SLC35F2: variants seen among roughly 807,000 people sequenced by gnomAD.
SLC35F2 encodes solute carrier family 35 member F2.
SLC35F2 carries 25 observed loss-of-function variants against 38.1 expected under a neutral mutation model. The ratio of observed to expected loss-of-function variants is 0.66; its 90% CI spans 0.48 to 0.92. The LOEUF (loss-of-function observed/expected upper bound fraction) is 0.92, where lower values mean the gene tolerates loss of function less well. SLC35F2 is among the 40% of genes least tolerant of loss of function. The probability of loss-of-function intolerance (pLI) is 0.00; values close to 1 mark genes in which losing one functional copy is unlikely to be tolerated. For synonymous variants in SLC35F2, 173 were observed against 181.7 expected, an observed-to-expected ratio of 0.95 and a Z score of 0.38; for missense variants, 409 against 452.9, an observed-to-expected ratio of 0.90 and a Z score of 0.88.
intron 1 of SLC35F2, among the ~76,000 whole-genome samples, chr11:107,825,891 T>TA (rs1263493754): frequency 6.6e-6 from 1 of 152,156 alleles, no homozygotes; most frequent in Non-Finnish European, 1.5e-5. Context: ...GGTAAAAGCG[T>TA]AAAATAATAA....
intron 7 of SLC35F2, among the ~76,000 whole-genome samples, chr11:107,796,666 T>A (rs995530588): frequency 2.6e-5 from 4 of 151,862 alleles, no homozygotes; most frequent in African/African-American, 9.7e-5. Flanking sequence ...GAGGTTAGGT[T>A]TTTGTAGTGG....
intron 1 of SLC35F2, among the ~76,000 whole-genome samples, chr11:107,818,522 C>T (rs2134800036): frequency 6.6e-6 from 1 of 152,312 alleles, no homozygotes; most frequent in South Asian, 2.1e-4. Flanking sequence ...TGCTTTTCTA[C>T]ATATTTTAAT....
intron 1 of SLC35F2, among the ~76,000 whole-genome samples, chr11:107,838,860 C>G (rs1859971272): frequency 6.6e-6 from 1 of 151,798 alleles, no homozygotes; most frequent in African/African-American, 2.4e-5. Context: ...AACTCCTGAC[C>G]TCAGGTGATC....
chr11:107,844,959 G>C (rs1351566490), intron 1 of SLC35F2, among the ~76,000 whole-genome samples: 2 of 140,792 alleles, frequency 1.4e-5, no homozygotes, highest in East Asian at 4.2e-4. Flanking sequence ...CTGGGCAACA[G>C]AGCGAGACTC....
intron 1 of SLC35F2, among the ~76,000 whole-genome samples, chr11:107,825,956 T>G: frequency 6.6e-6 from 1 of 152,028 alleles, no homozygotes; most frequent in Admixed American, 6.6e-5. Context: ...TTCTAGCAAT[T>G]TTGTCTCAAG....
chr11:107,825,854 AACT>A (rs1859746665), intron 1 of SLC35F2, among the ~76,000 whole-genome samples: 1 of 152,162 alleles, frequency 6.6e-6, no homozygotes, highest in Non-Finnish European at 1.5e-5. Flanking sequence ...ACACTTCAAA[AACT>A]TAACAGTACT....
chr11:107,798,749 G>A lies in SLC35F2; in HGVS notation c.939+4252C>T, dbSNP rs1591184001. On this transcript the variant is annotated intron_variant, in intron 7 of 7. Transcript: ENST00000525815. ...TATTTTAGACACAGTTTTTAAAACTGGTAGTGTATCAAGCTTACAATCTGC... is the reference window on the plus strand; with the variant it reads ...TATTTTAGACACAGTTTTTAAAACTAGTAGTGTATCAAGCTTACAATCTGC... Among the ~76,000 whole-genome samples the A allele has an allele frequency of 2.0e-5, 3 of 152,090 alleles. No individual in the cohort carries two copies. In the South Asian group the frequency reaches 6.2e-4, roughly 32 times the overall value.
At chr11:107,857,752 TA>T (rs1860316161) in intron 1 of SLC35F2, among the ~76,000 whole-genome samples, 1 of 152,208 alleles carries the variant, frequency 6.6e-6, no homozygotes, top group Admixed American at 6.5e-5. Context: ...CTGTTTAGAC[TA>T]CGGCTTGAAC....
At chr11:107,803,992 A>ATTT (rs71047624) in intron 6 of SLC35F2, among the ~76,000 whole-genome samples, 4,398 of 135,750 alleles carry the variant, frequency 0.032, 94 homozygotes, top group African/African-American at 0.061. Flanking sequence ...TGCCCGGATA[A>ATTT]TTTTTTTTTT....
intron 2 of SLC35F2, among the ~76,000 whole-genome samples, chr11:107,813,823 C>A (rs1859520586): frequency 6.6e-6 from 1 of 152,098 alleles, no homozygotes; most frequent in Non-Finnish European, 1.5e-5. Context: ...TGCCATCATG[C>A]CCAGCTAATT....
chr11:107,818,856 G>C (rs887256096), intron 1 of SLC35F2, among the ~76,000 whole-genome samples: 1 of 152,164 alleles, frequency 6.6e-6, no homozygotes, highest in African/African-American at 2.4e-5. Flanking sequence ...ATGGATTACA[G>C]ATGGTGAGGC....
At chr11:107,803,258 A>G (rs781257121) in intron 6 of SLC35F2, 103 bp from the exon 7 acceptor site, 3 of 1,369,636 alleles carry the variant, frequency 2.2e-6, no homozygotes, top group Non-Finnish European at 2.9e-6. Flanking sequence ...CCTTTAACAT[A>G]TTATGTACAA....
At chr11:107,827,231 C>T (rs1376729911) in intron 1 of SLC35F2, among the ~76,000 whole-genome samples, 2 of 152,070 alleles carry the variant, frequency 1.3e-5, no homozygotes, top group Non-Finnish European at 2.9e-5. Flanking sequence ...CTATCTCTTT[C>T]CCCTAAAAAG....
intron 1 of SLC35F2, among the ~76,000 whole-genome samples, chr11:107,857,499 C>G (rs1389503344): frequency 1.3e-5 from 2 of 152,184 alleles, no homozygotes; most frequent in Admixed American, 1.3e-4. Context: ...GAACTTTTAA[C>G]AAATGTATCA....
intron 1 of SLC35F2, among the ~76,000 whole-genome samples, chr11:107,852,789 C>A (rs895979086): frequency 6.6e-6 from 1 of 151,262 alleles, no homozygotes; most frequent in African/African-American, 2.4e-5. Flanking sequence ...GCAGGAGAAT[C>A]ACTTGAACCC....
intron 7 of SLC35F2, among the ~76,000 whole-genome samples, chr11:107,796,812 G>C (rs977852781): frequency 6.6e-6 from 1 of 152,146 alleles, no homozygotes; most frequent in Non-Finnish European, 1.5e-5. Context: ...GGGACTACAG[G>C]TGTGCACCAA....
At chr11:107,834,486 A>C (rs1859899010) in intron 1 of SLC35F2, among the ~76,000 whole-genome samples, 1 of 152,140 alleles carries the variant, frequency 6.6e-6, no homozygotes, top group Non-Finnish European at 1.5e-5. Flanking sequence ...CCCCATCTCT[A>C]CTAAAAATAC....
At chr11:107,844,510 A>C (rs1860069979) in intron 1 of SLC35F2, among the ~76,000 whole-genome samples, 2 of 128,358 alleles carry the variant, frequency 1.6e-5, no homozygotes, top group African/African-American at 5.9e-5. Flanking sequence ...CTGTAATCCC[A>C]GCTACTCAGG....
intron 1 of SLC35F2, among the ~76,000 whole-genome samples, chr11:107,842,486 T>C (rs1000860434): frequency 6.6e-6 from 1 of 151,896 alleles, no homozygotes; most frequent in Non-Finnish European, 1.5e-5. Flanking sequence ...CCCAAGTAGC[T>C]GGGATTACAG....
Sources: gnomAD v4.1 joint callset for allele counts (sites outside exome capture counted in the v4.1 genomes callset) on GRCh38, gnomAD v4.1.1 for gene constraint, MANE v1.5 for transcripts, NCBI Gene and HGNC (gene_info 2026-07-23, HGNC 2026-07-21) for gene names.